Variants in ANKRD10 observed in about 807,000 individuals in gnomAD.
ANKRD10 encodes ankyrin repeat domain 10.
In ANKRD10, 14 loss-of-function variants were observed where a neutral mutation model predicts 27.0. The ratio of observed to expected loss-of-function variants is 0.52; its 90% CI spans 0.34 to 0.81. ANKRD10 has a LOEUF of 0.81. ANKRD10 is among the 40% of genes least tolerant of loss of function. The probability of loss-of-function intolerance (pLI) is 0.01; values close to 1 mark genes in which losing one functional copy is unlikely to be tolerated. For synonymous variants in ANKRD10, 250 were observed against 224.5 expected (o/e 1.11, Z -1.01); for missense variants, 493 against 544.0 (o/e 0.91, Z 0.93).
intron 3 of ANKRD10, among the ~76,000 whole-genome samples, chr13:110,896,152 T>C (rs1427483389): frequency 2.0e-5 from 3 of 152,188 alleles, no homozygotes; most frequent in Non-Finnish European, 2.9e-5. Flanking sequence ...AGAAATTGTA[T>C]TGGACAGGTA....
At chr13:110,883,064 T>G in intron 5 of ANKRD10, 1 of 152,220 alleles carries the variant, frequency 6.6e-6, no homozygotes, top group East Asian at 1.9e-4. Flanking sequence ...TTTAATATAC[T>G]AAAAACATTA....
At chr13:110,902,990 A>C (rs755279682) in intron 3 of ANKRD10, among the ~76,000 whole-genome samples, 6 of 152,242 alleles carry the variant, frequency 3.9e-5, no homozygotes, top group Non-Finnish European at 8.8e-5. Flanking sequence ...CAATGCTAGT[A>C]GTGAAAAGGT....
chr13:110,903,274 T>A (rs1018019103), intron 3 of ANKRD10, among the ~76,000 whole-genome samples: 1 of 152,186 alleles, frequency 6.6e-6, no homozygotes, highest in African/African-American at 2.4e-5. Flanking sequence ...CACAGAGATT[T>A]AGGTCCTTTA....
intron 2 of ANKRD10, among the ~76,000 whole-genome samples, 200 bp downstream of exon 2, chr13:110,910,410 AGGTGAAAG>A (rs2065661224): frequency 1.3e-5 from 2 of 152,222 alleles, no homozygotes; most frequent in African/African-American, 4.8e-5. Context: ...ATCACACAAC[AGGTGAAAG>A]CACTCTATGA....
intron 3 of ANKRD10, chr13:110,904,395 C>T (rs1164132841): frequency 6.7e-6 from 1 of 149,542 alleles, no homozygotes; most frequent in Admixed American, 6.7e-5. Context: ...TTAAAAGACA[C>T]CTACTAAAAA....
chr13:110,889,148 T>C (rs531421115), intron 4 of ANKRD10, among the ~76,000 whole-genome samples: 98 of 152,358 alleles, frequency 6.4e-4, no homozygotes, highest in Non-Finnish European at 9.7e-4. Flanking sequence ...AATAATTGTA[T>C]TGGGTTATTC....
intron 5 of ANKRD10, among the ~76,000 whole-genome samples, chr13:110,880,846 A>C (rs1407419308): frequency 2.0e-5 from 3 of 152,238 alleles, no homozygotes; most frequent in Non-Finnish European, 4.4e-5. Flanking sequence ...GTCCTCAGGC[A>C]TGCAGGCCTG....
intron 3 of ANKRD10, among the ~76,000 whole-genome samples, chr13:110,899,612 G>A: frequency 6.6e-6 from 1 of 152,168 alleles, no homozygotes; most frequent in Non-Finnish European, 1.5e-5. Flanking sequence ...TTTTAGGCTA[G>A]CAAGCTAAAT....
rs574919504 is a variant in ANKRD10 at position 110,892,830 on chromosome 13, C to T, written c.691+198G>A. 4,794 of 1,371,004 alleles carry T rather than the reference C, an allele frequency of 3.5e-3. 13 individuals are homozygous for T. The highest frequency in any genetic ancestry group is 4.0e-3 in the Non-Finnish European group (4,233 of 1,063,358). 84.9% of individuals were successfully genotyped at this position (1,371,004 alleles called of 1,614,324 possible). On this transcript the variant is annotated intron_variant, in intron 4 of 5. Transcript: ENST00000267339. ...ATTTACACTTGGGCCATCAGTATTT[C>T]CCTCACATTCCCTTTTGTTAAGTCC...
In ANKRD10 at chr13:110,910,577, A is replaced by C. The variant is rs192056146; in HGVS notation, c.363+41T>G. ...CGTGTATAATTATAACTGCAAAAAG[A>C]AAAAGCAAAAGCAAACCAAGTCCAT... On this transcript the variant is annotated intron_variant, in intron 2 of 5. Coordinates refer to ENST00000267339, the MANE Select transcript of ANKRD10 (RefSeq NM_017664.4). The C allele has an allele frequency of 2.6e-4, 411 of 1,608,516 alleles. 1 individual carries two copies. In the African/African-American group the frequency reaches 4.9e-3, roughly 19 times the overall value.
intron 3 of ANKRD10, among the ~76,000 whole-genome samples, chr13:110,903,237 C>T (rs1287603690): frequency 2.0e-5 from 3 of 152,174 alleles, no homozygotes. Flanking sequence ...ATGGTGACAA[C>T]TTCACGTGCT....
At position 110,880,111 on chromosome 13, in the gene ANKRD10, A is replaced by G. The variant is rs1306028606; in HGVS notation, c.789T>C (p.Asp263=). 2 of 1,610,942 alleles carry G rather than the reference A, an allele frequency of 1.2e-6. No individual in the cohort carries two copies. The highest frequency in any genetic ancestry group is 1.7e-6 in the Non-Finnish European group (2 of 1,177,738). Reference sequence around the variant, plus strand: ...TCGATACGGAGCTACTGTTTTTCATATCTGCATTAAGAAATACACCTGTCA... The same window carrying G: ...TCGATACGGAGCTACTGTTTTTCATGTCTGCATTAAGAAATACACCTGTCA... The part of the protein sequence containing the change: ...HVDREFAVVT[D]MKNSSSVSNT... Residue 263 remains aspartate, a splice_region_variant and synonymous_variant, in exon 6 of 6, where the codon GAT becomes GAC. Transcript: ENST00000267339.
chr13:110,890,452 A>T (rs1236264523), intron 4 of ANKRD10, among the ~76,000 whole-genome samples: 1 of 152,194 alleles, frequency 6.6e-6, no homozygotes, highest in Non-Finnish European at 1.5e-5. Context: ...AGACACAAAA[A>T]AATATAAACA....
chr13:110,913,939 C>A (rs552397710), intron 1 of ANKRD10, among the ~76,000 whole-genome samples: 1 of 152,302 alleles, frequency 6.6e-6, no homozygotes, highest in South Asian at 2.1e-4. Flanking sequence ...GCACTGTGTT[C>A]CCCCAGAATT....
chr13:110,891,557 ACT>A (rs2065073743), intron 4 of ANKRD10, among the ~76,000 whole-genome samples: 1 of 152,220 alleles, frequency 6.6e-6, no homozygotes, highest in Non-Finnish European at 1.5e-5. Context: ...AGTACATAAT[ACT>A]GACATTTTAT....
intron 4 of ANKRD10, among the ~76,000 whole-genome samples, chr13:110,892,438 G>GAAAAAAAAAAAAAAAAAAAAAAAAAAA (rs2065105005): frequency 9.0e-5 from 1 of 11,092 alleles, no homozygotes; most frequent in African/African-American, 3.3e-4. Context: ...AAAAAAAAAT[G>GAAAAAAAAAAAAAAAAAAAAAAAAAAA]GTGGGAGAAT....
intron 3 of ANKRD10, chr13:110,894,737 A>G (rs779675125): frequency 2.2e-5 from 3 of 136,226 alleles, no homozygotes; most frequent in Non-Finnish European, 5.1e-5. Flanking sequence ...GACTAAAGTC[A>G]CTATTTTTAT....
At chr13:110,886,373 AG>A (rs2064930422) in intron 4 of ANKRD10, among the ~76,000 whole-genome samples, 1 of 152,240 alleles carries the variant, frequency 6.6e-6, no homozygotes, top group Non-Finnish European at 1.5e-5. Context: ...TTACCAATCA[AG>A]ATTCTATTGT....
At chr13:110,909,456 C>A (rs2065631826) in intron 2 of ANKRD10, among the ~76,000 whole-genome samples, 1 of 152,142 alleles carries the variant, frequency 6.6e-6, no homozygotes, top group South Asian at 2.1e-4. Context: ...AGCAACAGAG[C>A]AGCAGAGAAA....
Sources: gnomAD v4.1 joint callset for allele counts (sites outside exome capture counted in the v4.1 genomes callset) on GRCh38, gnomAD v4.1.1 for gene constraint, MANE v1.5 for transcripts, NCBI Gene and HGNC (gene_info 2026-07-23, HGNC 2026-07-21) for gene names.